The following SMYD3 variants were observed in gnomAD, a reference collection of about 807,000 sequenced individuals.
SMYD3 encodes SET and MYND domain containing 3.
Under a neutral mutation model 57.7 loss-of-function variants are expected in SMYD3, and 36 were observed. The ratio of observed to expected loss-of-function variants is 0.62; its 90% CI spans 0.48 to 0.82. The LOEUF is 0.82. Ranked by LOEUF, SMYD3 falls within the 40% of genes least tolerant of loss-of-function variation. SMYD3 has a pLI of 0.00. For synonymous variants in SMYD3, 211 were observed against 195.0 expected (o/e 1.08, Z -0.68); for missense variants, 515 against 538.8 (o/e 0.96, Z 0.44).
rs187283679 is a variant in SMYD3 at position 245,958,563 on chromosome 1, T to A, written c.532-28626A>T. ...CCTCCTTCAGGAAGCTTTTCCTCAT[T>A]CTCCAGTCTGATTTAGGTTCTCCTC... is the stretch of plus-strand genomic sequence containing the variant. On this transcript the variant is annotated intron_variant, in intron 5 of 11. Coordinates refer to ENST00000490107, the MANE Select transcript of SMYD3 (RefSeq NM_001167740.2). Among the ~76,000 whole-genome samples, 78 of 152,268 alleles carry A rather than the reference T, an allele frequency of 5.1e-4. 1 individual carries two copies. In the Middle Eastern group the frequency reaches 0.02, roughly 40 times the overall value.
intron 10 of SMYD3, among the ~76,000 whole-genome samples, chr1:245,779,339 C>T (rs987383542): frequency 2.0e-5 from 3 of 152,052 alleles, no homozygotes; most frequent in African/African-American, 7.2e-5. Flanking sequence ...CTTGAATAGA[C>T]ATTTCTACAG....
intron 2 of SMYD3, among the ~76,000 whole-genome samples, chr1:246,351,205 G>T (rs2065817574): frequency 6.6e-6 from 1 of 152,158 alleles, no homozygotes; most frequent in Non-Finnish European, 1.5e-5. Flanking sequence ...AATAGAGCTT[G>T]TATCTGCTAA....
chr1:246,101,100 T>A (rs78234394), intron 5 of SMYD3, among the ~76,000 whole-genome samples: 2,196 of 122,666 alleles, frequency 0.018, 40 homozygotes, highest in Middle Eastern at 0.059. Flanking sequence ...TTTTTTTTTT[T>A]ACAGAGTAAG....
intron 1 of SMYD3, among the ~76,000 whole-genome samples, chr1:246,361,251 A>G (rs2065981890): frequency 6.6e-6 from 1 of 152,156 alleles, no homozygotes; most frequent in Non-Finnish European, 1.5e-5. Flanking sequence ...ATGTAATACC[A>G]CCTCACTCCT....
At chr1:246,312,800 G>C (rs1465329029) in intron 5 of SMYD3, among the ~76,000 whole-genome samples, 1 of 152,184 alleles carries the variant, frequency 6.6e-6, no homozygotes, top group African/African-American at 2.4e-5. Context: ...ACAAACTGGT[G>C]AGACAGGCAG....
intron 8 of SMYD3, among the ~76,000 whole-genome samples, chr1:245,866,420 G>A (rs1036422018): frequency 1.3e-5 from 2 of 151,946 alleles, no homozygotes; most frequent in African/African-American, 2.4e-5. Flanking sequence ...GGAGGGAGGA[G>A]ATAAAATGCC....
At chr1:246,082,716 A>T (rs4319290) in intron 5 of SMYD3, among the ~76,000 whole-genome samples, 30,370 of 151,936 alleles carry the variant, frequency 0.2, 3,489 homozygotes, top group East Asian at 0.4. Flanking sequence ...TCAGACTGTT[A>T]CTGTGTCTAT....
At chr1:245,863,286 A>G (rs9729305) in intron 9 of SMYD3, among the ~76,000 whole-genome samples, 84,719 of 151,962 alleles carry the variant, frequency 0.56, 26,742 homozygotes, top group Non-Finnish European at 0.73. Flanking sequence ...TTCATCCTAC[A>G]TGGTCTCTCC....
intron 5 of SMYD3, among the ~76,000 whole-genome samples, chr1:246,113,513 C>T (rs1282824027): frequency 1.3e-5 from 2 of 152,182 alleles, no homozygotes; most frequent in East Asian, 1.9e-4. Flanking sequence ...TAGAGAACTT[C>T]ATTTTCACCA....
chr1:246,003,404 A>T (rs1459819304), intron 5 of SMYD3, among the ~76,000 whole-genome samples: 2 of 152,214 alleles, frequency 1.3e-5, no homozygotes, highest in Non-Finnish European at 2.9e-5. Context: ...CAACAATTCC[A>T]GGCAATAAAT....
chr1:246,210,780 G>C (rs555783514), intron 5 of SMYD3, among the ~76,000 whole-genome samples: 1 of 152,086 alleles, frequency 6.6e-6, no homozygotes, highest in South Asian at 2.1e-4. Flanking sequence ...AATCCCCAAG[G>C]TGCTCCAAAT....
chr1:246,506,997 C>A (rs1040244987), intron 1 of SMYD3, 57 bp downstream of exon 1: 3 of 309,470 alleles, frequency 9.7e-6, no homozygotes, highest in Non-Finnish European at 4.7e-6. Flanking sequence ...ACGCCCCCCC[C>A]TCCCCAGCAC....
chr1:246,059,855 T>C (rs894556814), intron 5 of SMYD3, among the ~76,000 whole-genome samples: 3 of 152,216 alleles, frequency 2.0e-5, no homozygotes, highest in Admixed American at 1.3e-4. Flanking sequence ...AATCCATTTA[T>C]GTTGGAACAG....
chr1:245,755,046 A>G (rs2045551761), intron 11 of SMYD3, among the ~76,000 whole-genome samples: 1 of 152,172 alleles, frequency 6.6e-6, no homozygotes, highest in Admixed American at 6.5e-5. Context: ...TAATCAATCA[A>G]TCAGTACATA....
rs368024710 is a variant in SMYD3 at position 246,506,808 on chromosome 1, T to C, written c.164+246A>G. On this transcript the variant is annotated intron_variant, in intron 1 of 11. Transcript: ENST00000490107. ...TTTCCCATTTCCACCGCAGCCCAGGTTGGGGGGCAGTGGCTGAGCCTGGGC... is the reference window on the plus strand; with the variant it reads ...TTTCCCATTTCCACCGCAGCCCAGGCTGGGGGGCAGTGGCTGAGCCTGGGC... Among the ~76,000 whole-genome samples, 329 of 144,956 alleles carry C rather than the reference T, an allele frequency of 2.3e-3. 3 individuals are homozygous for C. The highest frequency in any genetic ancestry group is 8.2e-3 in the African/African-American group (317 of 38,464).
intron 5 of SMYD3, among the ~76,000 whole-genome samples, chr1:246,028,397 C>A (rs1305397008): frequency 1.3e-5 from 2 of 152,074 alleles, no homozygotes; most frequent in Non-Finnish European, 2.9e-5. Flanking sequence ...AGTAAAGTTG[C>A]AAGATACAAA....
At chr1:245,918,747 T>C (rs1413511794) in intron 7 of SMYD3, among the ~76,000 whole-genome samples, 9 of 152,178 alleles carry the variant, frequency 5.9e-5, no homozygotes, top group African/African-American at 1.7e-4. Flanking sequence ...GGAGGTGAGG[T>C]AGCAAATGAG....
rs59062672 is a variant in SMYD3, at chr1:246,036,539, CT to C, written c.532-106603del. Among the ~76,000 whole-genome samples the C allele has an allele frequency of 1.2e-3, 178 of 144,988 alleles. 1 individual carries two copies. Among genetic ancestry groups the C allele is most frequent in the Middle Eastern group, 3.6e-3 (1 of 280 alleles). ...ATTTTCTCTGTACTCTTCTTTCTCT[CT>C]TTTTTTTTTTTTTGTTTTGTTTTGT... On this transcript the variant is annotated intron_variant, in intron 5 of 11. Coordinates refer to ENST00000490107, the MANE Select transcript of SMYD3 (RefSeq NM_001167740.2).
chr1:245,845,503 A>G (rs1343271719), intron 10 of SMYD3, among the ~76,000 whole-genome samples: 1 of 152,184 alleles, frequency 6.6e-6, no homozygotes, highest in Non-Finnish European at 1.5e-5. Flanking sequence ...TATGTCACAC[A>G]CTGCCATCAG....
Sources: allele counts gnomAD v4.1 joint callset (sites outside exome capture counted in the v4.1 genomes callset), GRCh38; gene constraint gnomAD v4.1.1; transcripts MANE v1.5; gene names NCBI Gene and HGNC (gene_info 2026-07-23, HGNC 2026-07-21).